Variants in TENM3 observed in about 807,000 individuals in gnomAD.
TENM3 encodes teneurin-3.
A neutral mutation model predicts 255.1 loss-of-function variants in TENM3; 63 were observed. The ratio of observed to expected loss-of-function variants is 0.25; its 90% CI spans 0.20 to 0.30. The LOEUF is 0.30. Ranked by LOEUF, TENM3 falls within the 10% of genes least tolerant of loss-of-function variation. TENM3 has a pLI of 1.00. For synonymous variants in TENM3, 1,306 were observed against 1,322.3 expected (o/e 0.99, Z 0.27); for missense variants, 2,929 against 3,461.1 (o/e 0.85, Z 3.86).
chr4:181,534,433 C>T, the TENM3 span, among the ~76,000 whole-genome samples: 11 of 151,236 alleles, frequency 7.3e-5, no homozygotes, highest in African/African-American at 1.7e-4. Flanking sequence ...GTCATGTTGT[C>T]TTTACAGTGG....
chr4:182,206,052 TA>T (rs60159341), intron 1 of TENM3, among the ~76,000 whole-genome samples: 65,976 of 147,704 alleles, frequency 0.45, 14,513 homozygotes, highest in Middle Eastern at 0.52. Flanking sequence ...TCTGTAAAAT[TA>T]AAAAAAAAAA....
the TENM3 span, among the ~76,000 whole-genome samples, chr4:181,546,632 T>G: frequency 5.9e-5 from 8 of 136,250 alleles, no homozygotes; most frequent in Non-Finnish European, 9.3e-5. Context: ...GAGAATGGCG[T>G]GAACCCGGGA....
intron 3 of TENM3, among the ~76,000 whole-genome samples, chr4:182,580,339 C>T (rs1745364062): frequency 6.6e-6 from 1 of 151,638 alleles, no homozygotes; most frequent in African/African-American, 2.4e-5. Flanking sequence ...GGGGCACTCT[C>T]CTAAATTCAC....
chr4:182,025,609 A>G, the TENM3 span, among the ~76,000 whole-genome samples: 1 of 152,172 alleles, frequency 6.6e-6, no homozygotes, highest in Non-Finnish European at 1.5e-5. Flanking sequence ...ACTGTTCTCC[A>G]TAATAATTGT....
the TENM3 span, among the ~76,000 whole-genome samples, chr4:181,554,740 G>A: frequency 1.3e-5 from 2 of 152,168 alleles, no homozygotes; most frequent in Non-Finnish European, 2.9e-5. Context: ...AGTGGAAAAC[G>A]TTTCATACTG....
chr4:182,510,600 C>A (rs1360996664), intron 3 of TENM3, among the ~76,000 whole-genome samples: 5 of 152,146 alleles, frequency 3.3e-5, no homozygotes, highest in African/African-American at 1.2e-4. Context: ...GTGAATCTTA[C>A]AATCAATGAC....
chr4:182,526,482 A>G (rs974668344), intron 3 of TENM3, among the ~76,000 whole-genome samples: 8 of 151,846 alleles, frequency 5.3e-5, no homozygotes, highest in Non-Finnish European at 8.8e-5. Context: ...CTTTAGTGGG[A>G]CTCTATACCT....
intron 3 of TENM3, among the ~76,000 whole-genome samples, chr4:182,487,878 T>C (rs1734911399): frequency 6.6e-6 from 1 of 152,152 alleles, no homozygotes; most frequent in Admixed American, 6.5e-5. Flanking sequence ...GAAGCAGTTT[T>C]TGTAGTGCAA....
the TENM3 span, among the ~76,000 whole-genome samples, chr4:182,004,079 T>C: frequency 2.0e-5 from 3 of 152,108 alleles, no homozygotes; most frequent in Admixed American, 2.0e-4. Context: ...AAAAGTATTT[T>C]TTTCTTTATT....
the TENM3 span, among the ~76,000 whole-genome samples, chr4:181,659,061 G>A: frequency 4.6e-5 from 7 of 152,268 alleles, no homozygotes; most frequent in Admixed American, 1.3e-4. Context: ...GATTGATAAC[G>A]TTTACTAAAC....
At chr4:181,572,989 T>C in the TENM3 span, among the ~76,000 whole-genome samples, 1 of 152,168 alleles carries the variant, frequency 6.6e-6, no homozygotes, top group Non-Finnish European at 1.5e-5. Context: ...TGAGAACATG[T>C]GAAGTTTGTC....
chr4:181,503,943 G>A, the TENM3 span, among the ~76,000 whole-genome samples: 1 of 152,188 alleles, frequency 6.6e-6, no homozygotes, highest in Non-Finnish European at 1.5e-5. Flanking sequence ...AGTGTAGTAT[G>A]CTGTTTATTT....
chr4:181,904,646 A>C, the TENM3 span, among the ~76,000 whole-genome samples: 67 of 152,294 alleles, frequency 4.4e-4, 1 homozygote, highest in South Asian at 0.013. Flanking sequence ...CACTGTTCAC[A>C]ACACTCTGTC....
chr4:182,422,587 C>A (rs796761728), intron 3 of TENM3, among the ~76,000 whole-genome samples: 1 of 152,138 alleles, frequency 6.6e-6, no homozygotes, highest in African/African-American at 2.4e-5. Context: ...GAATTCTCTC[C>A]GGCTTTACTG....
chr4:181,835,739 C>G, the TENM3 span, among the ~76,000 whole-genome samples: 1 of 151,942 alleles, frequency 6.6e-6, no homozygotes, highest in African/African-American at 2.4e-5. Flanking sequence ...TTTTAGTTAT[C>G]GGCAGTAAGA....
chr4:181,644,357 C>T, the TENM3 span, among the ~76,000 whole-genome samples: 1 of 151,556 alleles, frequency 6.6e-6, no homozygotes, highest in Admixed American at 6.6e-5. Flanking sequence ...TTCAGGGCAG[C>T]AGGAGATACT....
At chr4:182,720,013 G>A (rs1382563956) in intron 13 of TENM3, among the ~76,000 whole-genome samples, 1 of 152,060 alleles carries the variant, frequency 6.6e-6, no homozygotes, top group Non-Finnish European at 1.5e-5. Flanking sequence ...AGTGAGCCAT[G>A]ATCGCGCCAC....
chr4:181,502,053 T>C, the TENM3 span, among the ~76,000 whole-genome samples: 4 of 152,166 alleles, frequency 2.6e-5, no homozygotes, highest in Non-Finnish European at 5.9e-5. Flanking sequence ...CAGGCATCAT[T>C]GCCTTCTGGA....
chr4:182,728,885 AAC>A, intron 13 of TENM3, 78 bp from the exon 14 acceptor site: 3 of 1,144,388 alleles, frequency 2.6e-6, no homozygotes, highest in Non-Finnish European at 1.3e-6. Flanking sequence ...AAAAAAAAAA[AAC>A]AGTCAAGAAA....
Sources: gnomAD v4.1 joint callset for allele counts (sites outside exome capture counted in the v4.1 genomes callset) on GRCh38, gnomAD v4.1.1 for gene constraint, MANE v1.5 for transcripts, NCBI Gene and HGNC (gene_info 2026-07-23, HGNC 2026-07-21) for gene names.